Variants in LRP2 observed in about 807,000 individuals in gnomAD.
LRP2 encodes low-density lipoprotein receptor-related protein 2.
Under a neutral mutation model 531.0 loss-of-function variants are expected in LRP2, and 172 were observed. The observed-to-expected ratio is 0.32, with a 90% confidence interval of 0.29 to 0.37. LRP2 has a LOEUF of 0.37. Among genes scored for constraint, LRP2 ranks in the 10% least tolerant of loss-of-function variants. The probability of loss-of-function intolerance (pLI) is 1.00; values close to 1 mark genes in which losing one functional copy is unlikely to be tolerated. For synonymous variants in LRP2, 1,992 were observed against 2,027.6 expected (o/e 0.98, Z 0.47); for missense variants, 5,167 against 5,868.3 (o/e 0.88, Z 3.90).
chr2:169,335,127 CA>C (rs1250055671), intron 1 of LRP2, among the ~76,000 whole-genome samples: 1 of 152,206 alleles, frequency 6.6e-6, no homozygotes, highest in Non-Finnish European at 1.5e-5. Context: ...AAACTAGAGT[CA>C]AAAGCAAGCT....
chr2:169,277,940 A>T lies in LRP2; in HGVS notation c.1577T>A (p.Phe526Tyr). 1 of 1,613,240 alleles carries T rather than the reference A, an allele frequency of 6.2e-7. No homozygotes were observed. Among genetic ancestry groups the T allele is most frequent in the Non-Finnish European group, 8.5e-7 (1 of 1,179,240 alleles). Residue 526 changes from phenylalanine to tyrosine, a missense_variant, in exon 13 of 79, where the codon TTC becomes TAC. Around this residue, in one of 6 missense-constraint regions of LRP2, gnomAD observed 2,811 missense variants for 3,058.0 expected, o/e 0.92. Coordinates refer to ENST00000649046, the MANE Select transcript of LRP2 (RefSeq NM_004525.3). ...CCCAGAAAGGCTCTCCCAATCTGAG[A>T]AAAATAAATAACTACAAAAGAAAAA... ...AVDPTVGYLF[F>Y]SDWESLSGEP...
At chr2:169,256,084 C>A (rs1341678313) in intron 19 of LRP2, 22 bp downstream of exon 19, 3 of 1,610,710 alleles carry the variant, frequency 1.9e-6, no homozygotes, top group Non-Finnish European at 1.7e-6. Flanking sequence ...ACAATACATA[C>A]TTTTATTGCT....
intron 9 of LRP2, among the ~76,000 whole-genome samples, chr2:169,284,256 CTTTT>C (rs1216987363): frequency 2.6e-4 from 25 of 96,640 alleles, no homozygotes; most frequent in South Asian, 3.6e-4. Flanking sequence ...TCTTTTTTTT[CTTTT>C]TTTTTTTTTT....
intron 1 of LRP2, among the ~76,000 whole-genome samples, chr2:169,338,294 G>GGAAA (rs1488673756): frequency 1.4e-5 from 2 of 145,384 alleles, no homozygotes; most frequent in African/African-American, 5.1e-5. Context: ...AAAGAAAAAA[G>GGAAA]GAAGGAAGAA....
In LRP2 at chr2:169,139,346, G is replaced by T. The variant is rs1473979975; in HGVS notation, c.13293C>A (p.Ile4431=). The T allele has an allele frequency of 5.0e-6, 8 of 1,614,034 alleles. No individual in the cohort carries two copies. In the East Asian group the frequency reaches 1.8e-4, roughly 36 times the overall value. ...GAGCTCCAATTACGACGATCAAGAG[G>T]ATTGTCAACAGCACAGCTACTGCGG... The part of the protein sequence containing the change: ...GTTAVAVLLT[I]LLIVVIGALA... The change falls in exon 74 of 79, where the codon ATC becomes ATA. Residue 4431 remains isoleucine, a synonymous_variant. Transcript: ENST00000649046.
At chr2:169,332,670 T>A (rs189859844) in intron 1 of LRP2, among the ~76,000 whole-genome samples, 1 of 152,278 alleles carries the variant, frequency 6.6e-6, no homozygotes, top group Admixed American at 6.5e-5. Flanking sequence ...CTAAATAACC[T>A]CCCATTCTAA....
chr2:169,188,224 C>A lies in LRP2; in HGVS notation c.9074G>T (p.Arg3025Met), dbSNP rs749345832. Residue 3025 changes from arginine (R) to methionine (M), a missense_variant, in exon 49 of 79, where the codon AGG (arginine) becomes ATG (methionine). By Grantham distance (91) the Arg-to-Met change is moderately conservative (BLOSUM62 -1). Coordinates refer to ENST00000649046, the MANE Select transcript of LRP2 (RefSeq NM_004525.3). ...HNDCGDYSDE[R>M]GCLYQTCQQN... ...TTGGCAAGTCTGGTATAAGCAGCCC[C>A]TCTCGTCGCTATAGTCACCACAGTC... 3.7e-5 allele frequency: 60 copies of A among 1,614,070 alleles called. No individual in the cohort carries two copies. The highest frequency in any genetic ancestry group is 4.9e-5 in the Non-Finnish European group (58 of 1,180,040).
chr2:169,305,709 G>C (rs830971), intron 4 of LRP2, among the ~76,000 whole-genome samples: 31,111 of 152,154 alleles, frequency 0.2, 3,302 homozygotes, highest in African/African-American at 0.24. Flanking sequence ...ACAAAAGGAA[G>C]TACAGTCAGG....
chr2:169,229,623 T>TA (rs1689328161), intron 31 of LRP2, among the ~76,000 whole-genome samples: 1 of 152,162 alleles, frequency 6.6e-6, no homozygotes, highest in Non-Finnish European at 1.5e-5. Context: ...CTAAAGAATT[T>TA]AAAAAGTCTC....
At chr2:169,279,857 G>A (rs972429116) in intron 11 of LRP2, among the ~76,000 whole-genome samples, 5 of 152,068 alleles carry the variant, frequency 3.3e-5, no homozygotes, top group African/African-American at 1.2e-4. Flanking sequence ...ATTACTCCAA[G>A]ATGAAATTAA....
chr2:169,267,126 G>C (rs1227675705), intron 16 of LRP2, among the ~76,000 whole-genome samples: 1 of 151,532 alleles, frequency 6.6e-6, no homozygotes, highest in African/African-American at 2.4e-5. Context: ...CCGGCCTCAA[G>C]CAATCCTCCC....
intron 3 of LRP2, among the ~76,000 whole-genome samples, chr2:169,314,231 C>CT: frequency 7.2e-6 from 1 of 139,610 alleles, no homozygotes; most frequent in African/African-American, 3.0e-5. Flanking sequence ...ATCCTTATAT[C>CT]TTAAAAGAAA....
Position 169,206,373 on chromosome 2 carries a change from G to A in LRP2, c.7347C>T (p.Ala2449=), listed in dbSNP as rs759749273. 1 of 1,613,990 alleles carries A rather than the reference G, an allele frequency of 6.2e-7. No individual in the cohort carries two copies. The highest frequency in any genetic ancestry group is 2.2e-5 in the East Asian group (1 of 44,890). The change falls in exon 39 of 79, where the codon GCC becomes GCT. Residue 2449 remains alanine (A), a synonymous_variant. Coordinates refer to ENST00000649046, the MANE Select transcript of LRP2 (RefSeq NM_004525.3). ...LASGVGQISY[A]TLSSGIHTPT... ...GAGTATGGATCCCTGAAGACAGGGT[G>A]GCATAGGAAATCTGTCCAACTCCAG...
rs1353515999 is a variant in LRP2 at position 169,294,173 on chromosome 2, T to C, written c.627A>G (p.Gln209=). 4 of 1,613,156 alleles carry C rather than the reference T, an allele frequency of 2.5e-6. No homozygotes were observed. The African/African-American group carries it at 4.0e-5, about 16-fold the overall frequency. The change falls in exon 6 of 79, where the codon CAA becomes CAG. Residue 209 remains glutamine (Q), a synonymous_variant. Transcript: ENST00000649046. ...AYVCDHDNDC[Q]DGSDEHACNY... is the part of the protein sequence containing the mutation. ...TGCAAGCATGTTCGTCACTGCCGTC[T>C]TGGCAATCATTGTCATGGTCACAGA...
chr2:169,322,865 G>A (rs545701133), intron 1 of LRP2, among the ~76,000 whole-genome samples: 2 of 152,196 alleles, frequency 1.3e-5, no homozygotes, highest in South Asian at 2.1e-4. Context: ...TAGAGACTGA[G>A]TATTTAGGAG....
intron 4 of LRP2, among the ~76,000 whole-genome samples, chr2:169,296,563 A>T (rs1684138894): frequency 6.6e-6 from 1 of 151,912 alleles, no homozygotes; most frequent in Non-Finnish European, 1.5e-5. Flanking sequence ...GCCTTTTAAG[A>T]GCAGCAGCAA....
At chr2:169,153,023 A>G in intron 66 of LRP2, 59 bp from the exon 67 acceptor site, 1 of 1,522,884 alleles carries the variant, frequency 6.6e-7, no homozygotes, top group Non-Finnish European at 9.1e-7. Flanking sequence ...AAGGAAGAAC[A>G]GGGGTCTAAT....
At chr2:169,341,091 T>A (rs533267679) in intron 1 of LRP2, among the ~76,000 whole-genome samples, 2 of 152,226 alleles carry the variant, frequency 1.3e-5, no homozygotes, top group African/African-American at 4.8e-5. Flanking sequence ...TCAGATAACA[T>A]TCAGTGGATA....
intron 16 of LRP2, among the ~76,000 whole-genome samples, chr2:169,265,154 G>A (rs903407329): frequency 2.0e-5 from 3 of 150,850 alleles, no homozygotes; most frequent in Non-Finnish European, 4.4e-5. Context: ...GAGAATGAAG[G>A]CATCTATGGA....
Sources: allele counts gnomAD v4.1 joint callset (sites outside exome capture counted in the v4.1 genomes callset), GRCh38; gene constraint gnomAD v4.1.1; regional missense constraint gnomAD v4.1.1; transcripts MANE v1.5; gene names NCBI Gene and HGNC (gene_info 2026-07-23, HGNC 2026-07-21).